MYO5A: variants seen among roughly 807,000 people sequenced by gnomAD.
MYO5A encodes the protein myosin VA.
MYO5A carries 98 observed loss-of-function variants against 249.7 expected under a neutral mutation model. The observed-to-expected ratio is 0.39, with a 90% CI of 0.33 to 0.46. The LOEUF is 0.46. Ranked by LOEUF, MYO5A falls within the 20% of genes least tolerant of loss-of-function variation. MYO5A has a pLI of 0.98. For missense variants in MYO5A, 1,696 were observed against 2,308.8 expected (o/e 0.73, Z 5.44); for synonymous variants, 778 against 810.6 (o/e 0.96, Z 0.68).
intron 1 of MYO5A, among the ~76,000 whole-genome samples, chr15:52,446,911 T>C (rs1470801818): frequency 1.3e-5 from 2 of 152,204 alleles, no homozygotes; most frequent in Non-Finnish European, 2.9e-5. Flanking sequence ...CCCCACGGTA[T>C]CTTGGCAGTA....
chr15:52,408,239 TTAAA>T, intron 6 of MYO5A, 99 bp from the exon 7 acceptor site: 1 of 710,066 alleles, frequency 1.4e-6, no homozygotes, highest in Non-Finnish European at 2.4e-6. Flanking sequence ...TCTCAGTTGG[TTAAA>T]TAAATTATAC....
intron 2 of MYO5A, 105 bp downstream of exon 2, chr15:52,433,070 A>T (rs2075576884): frequency 1.2e-6 from 1 of 852,594 alleles, no homozygotes; most frequent in Middle Eastern, 2.6e-4. Context: ...AATTCTAGGT[A>T]AGTTCAAAAT....
At position 52,346,479 on chromosome 15, in the gene MYO5A, C is replaced by T. The variant is rs748804037; in HGVS notation, c.3859-18G>A. The T allele has an allele frequency of 8.4e-6, 12 of 1,422,754 alleles. No individual in the cohort carries two copies. Among genetic ancestry groups the T allele is most frequent in the African/African-American group, 2.8e-5 (2 of 71,184 alleles). The allele number at this position is 1,422,754 out of a possible 1,614,324, so 88.1% of individuals were successfully genotyped here. On this transcript the variant is annotated intron_variant, in intron 29 of 41. Transcript: ENST00000399233. ...ATTGTATTCTGAGAGGGAAATAACACATTTACGCATTAAGATTCAACTCAA... is the reference window on the plus strand; with the variant it reads ...ATTGTATTCTGAGAGGGAAATAACATATTTACGCATTAAGATTCAACTCAA...
chr15:52,341,243 T>C (rs908282715), intron 31 of MYO5A, among the ~76,000 whole-genome samples: 1 of 152,174 alleles, frequency 6.6e-6, no homozygotes, highest in South Asian at 2.1e-4. Context: ...GCCTTATATA[T>C]ACAGATTTAC....
intron 1 of MYO5A, among the ~76,000 whole-genome samples, chr15:52,448,499 A>G (rs1240265411): frequency 1.3e-5 from 2 of 152,198 alleles, no homozygotes; most frequent in South Asian, 2.1e-4. Flanking sequence ...TTTTGAGTTA[A>G]TGCTGGAATA....
intron 32 of MYO5A, among the ~76,000 whole-genome samples, chr15:52,339,021 T>C (rs1254855301): frequency 2.0e-5 from 3 of 152,218 alleles, no homozygotes; most frequent in Non-Finnish European, 2.9e-5. Flanking sequence ...AAATATTTCA[T>C]GATTCAGAAA....
In MYO5A at chr15:52,372,105, G is replaced by A. The variant is rs147521704; in HGVS notation, c.2817+19C>T. On this transcript the variant is annotated intron_variant, in intron 21 of 41. Coordinates refer to ENST00000399233, the MANE Select transcript of MYO5A (RefSeq NM_001382347.1). ...TCTTCAGGCATACTCCACTCTCAGG[G>A]CCCCTTTGTGAAACACACCTGCTCA... The A allele has an allele frequency of 2.6e-5, 42 of 1,613,140 alleles. No individual in the cohort carries two copies. The African/African-American group carries it at 3.9e-4, about 15-fold the overall frequency.
chr15:52,390,523 C>T (rs2042174236), intron 12 of MYO5A, among the ~76,000 whole-genome samples: 1 of 150,338 alleles, frequency 6.7e-6, no homozygotes, highest in Non-Finnish European at 1.5e-5. Flanking sequence ...TTGCCATTTC[C>T]TCCAACTTAA....
chr15:52,403,354 T>C (rs1450154838), intron 9 of MYO5A, among the ~76,000 whole-genome samples: 1 of 152,214 alleles, frequency 6.6e-6, no homozygotes, highest in African/African-American at 2.4e-5. Flanking sequence ...CAAAATATGG[T>C]ATCTCCATAT....
At position 52,317,084 on chromosome 15, in the gene MYO5A, G is replaced by GTGCTCCTGCATCAGGATGA; in HGVS notation, c.5372_5373insTCATCCTGATGCAGGAGCA (p.Ile1792HisfsTer30). ...TTAAAGCATTGCACATAGAACAAATGGCTTCTGCATCATCATCTGTTTTCT... is the reference window on the plus strand; with the variant it reads ...TTAAAGCATTGCACATAGAACAAATGTGCTCCTGCATCAGGATGAGCTTCTGCATCATCATCTGTTTTCT... On this transcript the variant is annotated frameshift_variant, in exon 40 of 42. Transcript: ENST00000399233. LOFTEE classifies it high-confidence loss of function. 6.2e-7 allele frequency: 1 copy of GTGCTCCTGCATCAGGATGA among 1,614,092 alleles called. No individual in the cohort carries two copies. The highest frequency in any genetic ancestry group is 8.5e-7 in the Non-Finnish European group (1 of 1,179,990).
chr15:52,478,253 C>T (rs1477859684), intron 1 of MYO5A, among the ~76,000 whole-genome samples: 11 of 152,166 alleles, frequency 7.2e-5, no homozygotes, highest in African/African-American at 2.2e-4. Flanking sequence ...TTGCTAAGAA[C>T]GTTGGAAAAG....
chr15:52,448,953 C>CTTTTTTTT (rs1567136629), intron 1 of MYO5A, among the ~76,000 whole-genome samples: 2 of 61,876 alleles, frequency 3.2e-5, no homozygotes, highest in African/African-American at 1.4e-4. Flanking sequence ...CTTTTCTTGT[C>CTTTTTTTT]TTTCTTTTTT....
At chr15:52,393,487 G>A (rs150687863) in intron 11 of MYO5A, among the ~76,000 whole-genome samples, 94 of 151,584 alleles carry the variant, frequency 6.2e-4, no homozygotes, top group African/African-American at 2.2e-3. Context: ...TCCACCTCCC[G>A]GGTTCAAGCG....
intron 36 of MYO5A, 153 bp from the exon 37 acceptor site, chr15:52,323,597 T>C (rs775874890): frequency 9.7e-6 from 6 of 618,084 alleles, no homozygotes; most frequent in Non-Finnish European, 1.7e-5. Context: ...TCTTATGTCA[T>C]TGCTAGCAGA....
At chr15:52,394,141 T>C (rs1334721100) in intron 11 of MYO5A, among the ~76,000 whole-genome samples, 1 of 152,214 alleles carries the variant, frequency 6.6e-6, no homozygotes, top group African/African-American at 2.4e-5. Flanking sequence ...TTTCTCATGC[T>C]GACTGCCCCC....
intron 30 of MYO5A, among the ~76,000 whole-genome samples, chr15:52,343,429 G>T (rs2039471209): frequency 6.6e-6 from 1 of 152,208 alleles, no homozygotes; most frequent in Non-Finnish European, 1.5e-5. Context: ...AATCAAGGAT[G>T]TAGAGCTACT....
intron 40 of MYO5A, among the ~76,000 whole-genome samples, chr15:52,314,704 T>C (rs1408279252): frequency 7.7e-6 from 1 of 129,398 alleles, no homozygotes; most frequent in Non-Finnish European, 1.5e-5. Flanking sequence ...TAAAAGATCA[T>C]AAATAACATG....
intron 34 of MYO5A, among the ~76,000 whole-genome samples, chr15:52,335,367 T>G (rs2039063346): frequency 6.6e-6 from 1 of 151,742 alleles, no homozygotes; most frequent in Non-Finnish European, 1.5e-5. Flanking sequence ...AATACAAAAA[T>G]TAGCTGGACA....
intron 27 of MYO5A, among the ~76,000 whole-genome samples, chr15:52,352,498 T>C (rs8025937): frequency 0.2 from 29,972 of 152,168 alleles, 3,812 homozygotes; most frequent in East Asian, 0.57. Context: ...TAAAACTATT[T>C]AGGCTGGGCA....
Sources: allele counts gnomAD v4.1 joint callset (sites outside exome capture counted in the v4.1 genomes callset), GRCh38; gene constraint gnomAD v4.1.1; transcripts MANE v1.5; gene names NCBI Gene and HGNC (gene_info 2026-07-23, HGNC 2026-07-21).